The following BAZ1A variants were observed in gnomAD, a reference collection of about 807,000 sequenced individuals.
The protein encoded by BAZ1A is bromodomain adjacent to zinc finger domain protein 1A.
In BAZ1A, 50 loss-of-function variants were observed where a neutral mutation model predicts 185.2. The observed-to-expected ratio is 0.27, with a 90% CI of 0.22 to 0.34. The LOEUF (loss-of-function observed/expected upper bound fraction) is 0.34, where lower values mean the gene tolerates loss of function less well. Ranked by LOEUF, BAZ1A falls within the 10% of genes least tolerant of loss-of-function variation. The pLI, the probability that BAZ1A is intolerant of heterozygous loss-of-function variation, is 1.00. For missense variants in BAZ1A, 1,356 were observed against 1,839.9 expected, an observed-to-expected ratio of 0.74 and a Z score of 4.81; for synonymous variants, 571 against 615.6, an observed-to-expected ratio of 0.93 and a Z score of 1.07.
At chr14:34,847,653 G>A (rs1035022809) in intron 3 of BAZ1A, among the ~76,000 whole-genome samples, 5 of 151,854 alleles carry the variant, frequency 3.3e-5, no homozygotes, top group Non-Finnish European at 2.9e-5. Flanking sequence ...TTTGTTTCTC[G>A]CTTGAATCTT....
At chr14:34,843,319 G>GTT (rs372195461) in intron 3 of BAZ1A, among the ~76,000 whole-genome samples, 21 of 152,294 alleles carry the variant, frequency 1.4e-4, no homozygotes, top group African/African-American at 4.6e-4. Context: ...TTTGGCCAGT[G>GTT]TAACACTAAC....
At chr14:34,754,426 A>AAAGAAAAG (rs1886151068) in intron 26 of BAZ1A, among the ~76,000 whole-genome samples, 1 of 122,838 alleles carries the variant, frequency 8.1e-6, no homozygotes, top group South Asian at 2.4e-4. Context: ...TCAAAAAAAA[A>AAAGAAAAG]AAAAAAGAAA....
At chr14:34,779,831 A>T (rs1879920968) in intron 17 of BAZ1A, among the ~76,000 whole-genome samples, 1 of 152,242 alleles carries the variant, frequency 6.6e-6, no homozygotes, top group South Asian at 2.1e-4. Context: ...ATTATAGAAT[A>T]CAAATTTCTA....
chr14:34,771,507 T>C lies in BAZ1A; in HGVS notation c.3301+4A>G. 2 of 1,603,590 alleles carry C rather than the reference T, an allele frequency of 1.2e-6. No individual in the cohort carries two copies. Among genetic ancestry groups the C allele is most frequent in the Non-Finnish European group, 1.7e-6 (2 of 1,176,968 alleles). ...AATATTTTGAAATAAAAACAGATACTTACCAAGTGGAGCTTTCAGAAAACG... is the reference window on the plus strand; with the variant it reads ...AATATTTTGAAATAAAAACAGATACCTACCAAGTGGAGCTTTCAGAAAACG... On this transcript the variant is annotated splice_donor_region_variant and intron_variant, in intron 21 of 26. Transcript: ENST00000360310.
intron 9 of BAZ1A, among the ~76,000 whole-genome samples, chr14:34,797,225 T>G (rs1478994140): frequency 6.6e-6 from 1 of 152,206 alleles, no homozygotes; most frequent in East Asian, 1.9e-4. Context: ...TCTGTTTTTT[T>G]AAGGCAGAGG....
chr14:34,833,652 G>GA (rs1176514380), intron 3 of BAZ1A, among the ~76,000 whole-genome samples: 1 of 152,076 alleles, frequency 6.6e-6, no homozygotes, highest in Non-Finnish European at 1.5e-5. Context: ...AATTCACAGA[G>GA]AAAGAACATA....
chr14:34,838,627 C>A (rs975346012), intron 3 of BAZ1A, among the ~76,000 whole-genome samples: 3 of 151,760 alleles, frequency 2.0e-5, no homozygotes, highest in Non-Finnish European at 4.4e-5. Context: ...CAGGTTTAAG[C>A]GATTCTCCTG....
At position 34,874,784 on chromosome 14, in the gene BAZ1A, T is replaced by C; in HGVS notation, c.-58-122A>G. ...TGTGTGACTGACGCGCCGCGGCCGC[T>C]ACCGGAGCCGAGTTCGTTCCTGCCG... is the stretch of plus-strand genomic sequence containing the variant. On this transcript the variant is annotated intron_variant, in intron 1 of 26. Transcript: ENST00000360310. The surrounding 1 kb of genome is among the most constrained non-coding windows in gnomAD (Gnocchi z 4.7). 1 of 514,022 alleles carries C rather than the reference T, an allele frequency of 1.9e-6. No homozygotes were observed. The highest frequency in any genetic ancestry group is 3.4e-6 in the Non-Finnish European group (1 of 295,852). 31.8% of individuals were successfully genotyped at this position (514,022 alleles called of 1,614,324 possible).
chr14:34,848,435 G>A (rs11847482), intron 3 of BAZ1A, among the ~76,000 whole-genome samples: 3 of 152,006 alleles, frequency 2.0e-5, no homozygotes, highest in South Asian at 2.1e-4. Context: ...GTGAAACCTC[G>A]TCTCTACTAA....
At chr14:34,784,016 A>G (rs943749596) in intron 14 of BAZ1A, 89 bp from the exon 15 acceptor site, 1 of 1,192,520 alleles carries the variant, frequency 8.4e-7, no homozygotes, top group African/African-American at 1.5e-5. Context: ...CAATGTGAAA[A>G]TGCCTAATAA....
At chr14:34,783,358 C>G in intron 15 of BAZ1A, 126 bp from the exon 16 acceptor site, 1 of 500,822 alleles carries the variant, frequency 2.0e-6, no homozygotes, top group East Asian at 3.8e-5. Context: ...ATGTAGTAAT[C>G]ATTCATAAGC....
intron 3 of BAZ1A, among the ~76,000 whole-genome samples, chr14:34,858,690 TTAAAATAAAA>T (rs1346289146): frequency 6.7e-6 from 1 of 148,782 alleles, no homozygotes; most frequent in Non-Finnish European, 1.5e-5. Context: ...TAAATAAATT[TTAAAATAAAA>T]TAAAATAATT....
intron 2 of BAZ1A, among the ~76,000 whole-genome samples, chr14:34,872,714 A>C (rs1216747185): frequency 6.6e-6 from 1 of 152,156 alleles, no homozygotes; most frequent in Non-Finnish European, 1.5e-5. Context: ...TCAAGAACCA[A>C]AGTGCCTTAA....
chr14:34,773,946 A>C (rs756894695), intron 19 of BAZ1A, among the ~76,000 whole-genome samples: 3 of 152,224 alleles, frequency 2.0e-5, no homozygotes, highest in Non-Finnish European at 4.4e-5. Flanking sequence ...AATAAATCAT[A>C]AACAGTTCTA....
chr14:34,826,269 CTGAT>C lies in BAZ1A; in HGVS notation c.393-117_393-114del, dbSNP rs1207435721. 3.8e-5 allele frequency: 39 copies of C among 1,015,598 alleles called. No individual in the cohort carries two copies. The African/African-American group carries it at 4.4e-4, about 11-fold the overall frequency. The allele number at this position is 1,015,598 out of a possible 1,614,324, so 62.9% of individuals were successfully genotyped here. A position where few individuals can be genotyped will look rare whatever the true frequency, so the allele number is the denominator to read the frequency against. ...TTATTTTGTTTTGCAGAGGCTATAG[CTGAT>C]TGATTTAAACAATTTAATTAAAAAG... On this transcript the variant is annotated intron_variant, in intron 3 of 26. Transcript: ENST00000360310.
intron 17 of BAZ1A, among the ~76,000 whole-genome samples, chr14:34,776,884 A>G (rs1213070045): frequency 6.6e-6 from 1 of 152,200 alleles, no homozygotes; most frequent in Non-Finnish European, 1.5e-5. Flanking sequence ...TTGGACTTCC[A>G]GACTCCAGAA....
chr14:34,868,043 A>G (rs2042889165), intron 2 of BAZ1A, among the ~76,000 whole-genome samples: 1 of 152,226 alleles, frequency 6.6e-6, no homozygotes, highest in South Asian at 2.1e-4. Flanking sequence ...AGGCTAATAC[A>G]GGTTATTAAT....
chr14:34,769,503 C>A lies in BAZ1A; in HGVS notation c.3301+2008G>T, dbSNP rs527625661. On this transcript the variant is annotated intron_variant, in intron 21 of 26. Transcript: ENST00000360310. Reference sequence around the variant, plus strand: ...ATAAGGAACAGTGTCTCTCATATAACCTACTAGACAAGTTGTAACAACTCT... The same window carrying A: ...ATAAGGAACAGTGTCTCTCATATAAACTACTAGACAAGTTGTAACAACTCT... Among the ~76,000 whole-genome samples, 3 of 152,236 alleles carry A rather than the reference C, an allele frequency of 2.0e-5. No homozygotes were observed. In the East Asian group the frequency reaches 5.8e-4, roughly 29 times the overall value.
At chr14:34,765,568 T>C (rs567797131) in intron 21 of BAZ1A, among the ~76,000 whole-genome samples, 2 of 152,364 alleles carry the variant, frequency 1.3e-5, no homozygotes, top group Admixed American at 1.3e-4. Context: ...GTATCAAATC[T>C]TGAGCTAATT....
Sources: gnomAD v4.1 joint callset for allele counts (sites outside exome capture counted in the v4.1 genomes callset) on GRCh38, gnomAD v4.1.1 for gene constraint, Gnocchi (gnomAD v3.1) non-coding constraint, MANE v1.5 for transcripts, NCBI Gene and HGNC (gene_info 2026-07-23, HGNC 2026-07-21) for gene names.